The following FHL1 variants were observed in gnomAD, a reference collection of about 807,000 sequenced individuals.
FHL1 encodes the protein four and a half LIM domains 1.
In FHL1, 1 loss-of-function variant was observed where a neutral mutation model predicts 20.3. The observed-to-expected ratio is 0.05, with a 90% CI of 0.02 to 0.23. The LOEUF (loss-of-function observed/expected upper bound fraction) is 0.23. Among genes scored for constraint, FHL1 ranks in the 10% least tolerant of loss-of-function variants. The pLI is 1.00. For missense variants in FHL1, 177 were observed against 234.0 expected (o/e 0.76, Z 1.59); for synonymous variants, 82 against 88.9 (o/e 0.92, Z 0.44).
rs374867802 is a variant in FHL1 at position 136,209,853 on chromosome X, CT to C, written c.737-9del. The C allele has an allele frequency of 1.8e-4, 207 of 1,155,077 alleles. No individual in the cohort carries two copies. The highest frequency in any genetic ancestry group is 3.3e-4 in the South Asian group (18 of 53,954). On this transcript the variant is annotated splice_polypyrimidine_tract_variant and intron_variant, in intron 5 of 5. Coordinates refer to ENST00000370683, the MANE Select transcript of FHL1 (RefSeq NM_001159699.2). ...TGTTTCTCTTGTTTTCTTTTCTTTT[CT>C]TTTTTTTTCCCCCCAGGGTTTGGTA...
chrX:136,183,700 C>T (rs2073221447), intron 2 of FHL1, among the ~76,000 whole-genome samples: 1 of 111,987 alleles, frequency 8.9e-6, no homozygotes, highest in African/African-American at 3.2e-5. Flanking sequence ...GGAAGATTTT[C>T]TTCCTGCAAA....
intron 1 of FHL1, among the ~76,000 whole-genome samples, chrX:136,157,297 C>T (rs988845474): frequency 9.0e-6 from 1 of 111,147 alleles, no homozygotes; most frequent in African/African-American, 3.3e-5. Context: ...CCTTCTAGGC[C>T]ACAGAAGGTC....
In FHL1 at chrX:136,162,658, C is replaced by T. The variant is rs999108402; in HGVS notation, c.-100-7249C>T. ...CTCCAGACCTAGGGAATCAGAAACG[C>T]TGGGGATGGGGCCCCGCCATCTGTG... On this transcript the variant is annotated intron_variant, in intron 1 of 7. Transcript: ENST00000394155. Among the ~76,000 whole-genome samples, 16 of 111,612 alleles carry T rather than the reference C, an allele frequency of 1.4e-4. No homozygotes were observed. The Admixed American group carries it at 1.5e-3, about 11-fold the overall frequency.
At position 136,206,450 on chromosome X, in the gene FHL1, C is replaced by G. The variant is rs748075349; in HGVS notation, c.66C>G (p.Asp22Glu). The G allele has an allele frequency of 1.6e-6, 2 of 1,212,392 alleles. No individual in the cohort carries two copies. Among genetic ancestry groups the G allele is most frequent in the African/African-American group, 1.7e-5 (1 of 57,962 alleles). ...TGGGCACCATGGCGGAGAAGTTTGA[C>G]TGCCACTACTGCAGGGATCCCTTGC... ...YKVGTMAEKF[D>E]CHYCRDPLQG... The change falls in exon 2 of 6, where the codon GAC (aspartate) becomes GAG (glutamate). Residue 22 changes from aspartate to glutamate, a missense_variant. Coordinates refer to ENST00000370683, the MANE Select transcript of FHL1 (RefSeq NM_001159699.2).
chrX:136,205,676 A>C (rs1229189984), intron 1 of FHL1, among the ~76,000 whole-genome samples: 1 of 112,465 alleles, frequency 8.9e-6, no homozygotes, highest in African/African-American at 3.2e-5. Context: ...AGTAAATTTA[A>C]ACATTTTAAA....
chrX:136,150,794 G>A (rs996417819), intron 1 of FHL1, among the ~76,000 whole-genome samples: 1 of 112,310 alleles, frequency 8.9e-6, no homozygotes, highest in African/African-American at 3.2e-5. Flanking sequence ...AATAGACAGT[G>A]AATCTGTTGT....
At chrX:136,190,082 T>C (rs2073398387) in intron 2 of FHL1, among the ~76,000 whole-genome samples, 1 of 111,976 alleles carries the variant, frequency 8.9e-6, no homozygotes, top group Non-Finnish European at 1.9e-5. Flanking sequence ...AGGTACCTAC[T>C]TCCCATGTTT....
intron 1 of FHL1, among the ~76,000 whole-genome samples, chrX:136,205,624 T>C (rs1410930886): frequency 1.8e-5 from 2 of 112,172 alleles, no homozygotes; most frequent in Non-Finnish European, 3.8e-5. Context: ...CAAAACTCTT[T>C]AGGATCTATT....
chrX:136,150,248 C>T (rs1333628752), intron 1 of FHL1, among the ~76,000 whole-genome samples: 1 of 112,240 alleles, frequency 8.9e-6, no homozygotes, highest in African/African-American at 3.2e-5. Flanking sequence ...AATTAACCCT[C>T]ACCTCTAAAG....
intron 1 of FHL1, chrX:136,148,882 C>G (rs1353784368): frequency 8.9e-6 from 1 of 112,231 alleles, no homozygotes; most frequent in Non-Finnish European, 1.9e-5. Context: ...TAGCATTTCG[C>G]TTGGTTTTGA....
chrX:136,169,308 T>C (rs1395954409), upstream of FHL1: 1 of 134,240 alleles, frequency 7.4e-6, no homozygotes, highest in Non-Finnish European at 1.5e-5. Flanking sequence ...ACCTGTTTCC[T>C]AGTGCTGCAG....
At position 136,207,913 on chromosome X, in the gene FHL1, G is replaced by A. The variant is rs765313795; in HGVS notation, c.501G>A (p.Val167=). ...CTAAAGGGGAGGACTTCTACTGCGTGACTTGCCATGAGACCAAGTTTGCCA... is the reference window on the plus strand; with the variant it reads ...CTAAAGGGGAGGACTTCTACTGCGTAACTTGCCATGAGACCAAGTTTGCCA... ...FFPKGEDFYC[V]TCHETKFAKH... is the part of the protein sequence containing the mutation. The change falls in exon 4 of 6, where the codon GTG becomes GTA. Residue 167 remains valine (V), a synonymous_variant. Coordinates refer to ENST00000370683, the MANE Select transcript of FHL1 (RefSeq NM_001159699.2). The A allele has an allele frequency of 1.1e-5, 13 of 1,212,359 alleles. No homozygotes were observed. The highest frequency in any genetic ancestry group is 1.5e-5 in the Non-Finnish European group (13 of 895,615).
intron 5 of FHL1, 63 bp downstream of exon 5, chrX:136,208,704 A>C (rs2073918910): frequency 1.8e-6 from 2 of 1,082,423 alleles, no homozygotes; most frequent in Admixed American, 4.4e-5. Flanking sequence ...ACCATCTCTC[A>C]TTTTCCTGTC....
chrX:136,197,035 C>G, upstream of FHL1: 1 of 1,126,393 alleles, frequency 8.9e-7, no homozygotes, highest in Non-Finnish European at 1.2e-6. Flanking sequence ...TGTATGTTCA[C>G]AAATGAGCCA....
intron 2 of FHL1, among the ~76,000 whole-genome samples, chrX:136,183,929 C>T (rs1220958919): frequency 9.0e-6 from 1 of 111,238 alleles, no homozygotes; most frequent in Non-Finnish European, 1.9e-5. Context: ...TTCATGAAAA[C>T]AATACCTGGT....
At chrX:136,189,552 AT>A (rs1454590854) in intron 2 of FHL1, among the ~76,000 whole-genome samples, 1 of 111,702 alleles carries the variant, frequency 9.0e-6, no homozygotes, top group Non-Finnish European at 1.9e-5. Context: ...GGTCGGCCAC[AT>A]TTTTAGCGTG....
chrX:136,209,183 T>G, intron 5 of FHL1: 1 of 1,127,800 alleles, frequency 8.9e-7, no homozygotes, highest in Non-Finnish European at 1.2e-6. Context: ...TGCCTCCAAT[T>G]TTCCCATCTT....
At chrX:136,161,024 T>C (rs1188439943) in intron 1 of FHL1, among the ~76,000 whole-genome samples, 1 of 111,891 alleles carries the variant, frequency 8.9e-6, no homozygotes, top group Non-Finnish European at 1.9e-5. Flanking sequence ...CTGCAATTCA[T>C]GTTGATTGGA....
chrX:136,206,959 C>A, intron 2 of FHL1, 57 bp from the exon 3 acceptor site: 1 of 1,177,472 alleles, frequency 8.5e-7, no homozygotes, highest in East Asian at 3.0e-5. Flanking sequence ...TGGGAGGGCT[C>A]CTGCCACCAC....
Sources: allele counts gnomAD v4.1 joint callset (sites outside exome capture counted in the v4.1 genomes callset), GRCh38; gene constraint gnomAD v4.1.1; transcripts MANE v1.5; gene names NCBI Gene and HGNC (gene_info 2026-07-23, HGNC 2026-07-21).